The following PDE1A variants were observed in gnomAD, a reference collection of about 807,000 sequenced individuals.
PDE1A encodes dual specificity calcium/calmodulin-dependent 3',5'-cyclic nucleotide phosphodiesterase 1A.
PDE1A carries 35 observed loss-of-function variants against 61.7 expected under a neutral mutation model. That is an observed-to-expected ratio of 0.57 (90% CI 0.43 to 0.75). The LOEUF is 0.75. PDE1A is among the 30% of genes least tolerant of loss of function. The pLI is 0.00. For synonymous variants in PDE1A, 232 were observed against 213.2 expected, an observed-to-expected ratio of 1.09 and a Z score of -0.77; for missense variants, 597 against 630.6, an observed-to-expected ratio of 0.95 and a Z score of 0.57.
intron 1 of PDE1A, among the ~76,000 whole-genome samples, chr2:182,277,249 A>G (rs1394510539): frequency 6.6e-6 from 1 of 151,992 alleles, no homozygotes; most frequent in Non-Finnish European, 1.5e-5. Context: ...GTTGGGCATC[A>G]TGGTCCTACT....
chr2:182,160,010 T>C (rs559836156), intron 13 of PDE1A, among the ~76,000 whole-genome samples: 66 of 152,302 alleles, frequency 4.3e-4, no homozygotes, highest in African/African-American at 1.5e-3. Flanking sequence ...TTATATACAT[T>C]GACTCATTTA....
chr2:182,634,051 T>C, the PDE1A span, among the ~76,000 whole-genome samples: 1 of 151,480 alleles, frequency 6.6e-6, no homozygotes, highest in Non-Finnish European at 1.5e-5. Context: ...ATCACACCAT[T>C]GTACTCTAAG....
At chr2:182,334,827 A>G (rs1574381210) in intron 1 of PDE1A, among the ~76,000 whole-genome samples, 1 of 152,210 alleles carries the variant, frequency 6.6e-6, no homozygotes, top group South Asian at 2.1e-4. Flanking sequence ...GAAGAGAGGA[A>G]GTCAAATTGT....
At chr2:182,142,394 A>T (rs1690269268), downstream of PDE1A, 2 of 152,120 alleles carry the variant, frequency 1.3e-5, no homozygotes, top group Admixed American at 1.3e-4. Context: ...GTTCAGAAAA[A>T]GGTTTCACTG....
At chr2:182,217,952 A>C (rs1159108005) in intron 7 of PDE1A, among the ~76,000 whole-genome samples, 1 of 151,814 alleles carries the variant, frequency 6.6e-6, no homozygotes, top group Non-Finnish European at 1.5e-5. Flanking sequence ...TCATGCTGCT[A>C]TAAAGACACA....
chr2:182,565,051 C>T, the PDE1A span, among the ~76,000 whole-genome samples: 2 of 152,214 alleles, frequency 1.3e-5, no homozygotes, highest in Non-Finnish European at 2.9e-5. Context: ...CTTCTCTCAA[C>T]TCGTCAAAGT....
intron 1 of PDE1A, among the ~76,000 whole-genome samples, chr2:182,304,743 G>C (rs886600536): frequency 3.3e-5 from 5 of 152,140 alleles, no homozygotes; most frequent in Non-Finnish European, 7.3e-5. Context: ...TATCAATTGA[G>C]TTGGCCATCT....
chr2:182,386,288 G>C (rs546042610), intron 1 of PDE1A, among the ~76,000 whole-genome samples: 3 of 151,120 alleles, frequency 2.0e-5, no homozygotes, highest in African/African-American at 7.3e-5. Context: ...AGTGAGGAGC[G>C]TCTCTGCTTG....
At position 182,416,612 on chromosome 2, in the gene PDE1A, A is replaced by G. The variant is rs571150639; in HGVS notation, c.53+9966T>C. Reference sequence around the variant, plus strand: ...TGGAGAAGTTTCTTGAGGACAGGCTATCTTCCAGAAAACATAAATAAGAAA... The same window carrying G: ...TGGAGAAGTTTCTTGAGGACAGGCTGTCTTCCAGAAAACATAAATAAGAAA... On this transcript the variant is annotated intron_variant, in intron 1 of 13. Coordinates refer to ENST00000351439, the Ensembl canonical transcript of PDE1A. 1.3e-4 allele frequency among the ~76,000 whole-genome samples: 20 copies of G among 152,330 alleles called. 1 individual carries two copies. The highest frequency in any genetic ancestry group is 1.0e-3 in the South Asian group (5 of 4,830).
chr2:182,259,805 C>T (rs567477682), intron 2 of PDE1A, among the ~76,000 whole-genome samples: 5 of 152,354 alleles, frequency 3.3e-5, no homozygotes, highest in African/African-American at 1.2e-4. Context: ...GCTGCCTGCC[C>T]TGCTATGCAT....
the PDE1A span, among the ~76,000 whole-genome samples, chr2:182,687,476 A>T: frequency 2.6e-5 from 4 of 152,208 alleles, no homozygotes; most frequent in Non-Finnish European, 4.4e-5. Context: ...GAGGGTCCTG[A>T]CTGTTAAAAG....
chr2:182,436,786 A>G (rs1321563043), intron 2 of PDE1A, among the ~76,000 whole-genome samples: 1 of 151,946 alleles, frequency 6.6e-6, no homozygotes, highest in Non-Finnish European at 1.5e-5. Flanking sequence ...AAAGTTATAT[A>G]ATTTGCCAAA....
intron 2 of PDE1A, among the ~76,000 whole-genome samples, chr2:182,454,608 A>C (rs1685769870): frequency 6.6e-6 from 1 of 151,748 alleles, no homozygotes; most frequent in Admixed American, 6.6e-5. Context: ...CCTCAGAAAT[A>C]ATGCCGCATA....
chr2:182,368,342 C>T (rs377220446), intron 1 of PDE1A, among the ~76,000 whole-genome samples: 2 of 151,256 alleles, frequency 1.3e-5, no homozygotes, highest in Non-Finnish European at 3.0e-5. Flanking sequence ...CAGCCCCCCC[C>T]ACCCAAAGGC....
At chr2:182,590,815 G>A in the PDE1A span, among the ~76,000 whole-genome samples, 1 of 152,116 alleles carries the variant, frequency 6.6e-6, no homozygotes, top group Non-Finnish European at 1.5e-5. Context: ...GACTCCCATA[G>A]TCCCATTTAT....
At chr2:182,363,039 TAACAC>T (rs1391722352) in intron 1 of PDE1A, among the ~76,000 whole-genome samples, 1 of 151,502 alleles carries the variant, frequency 6.6e-6, no homozygotes, top group Non-Finnish European at 1.5e-5. Flanking sequence ...TAGAGGGAAA[TAACAC>T]ACACTGGGGC....
chr2:182,660,064 T>C, the PDE1A span, among the ~76,000 whole-genome samples: 1 of 152,178 alleles, frequency 6.6e-6, no homozygotes, highest in Non-Finnish European at 1.5e-5. Flanking sequence ...CATGTGGCTT[T>C]GAATATAACT....
chr2:182,335,836 T>C (rs1024628826), intron 1 of PDE1A, among the ~76,000 whole-genome samples: 54 of 152,048 alleles, frequency 3.6e-4, no homozygotes, highest in Non-Finnish European at 6.6e-4. Flanking sequence ...AGGCAACCTA[T>C]AGAATGGGAG....
chr2:182,536,192 G>A, the PDE1A span, among the ~76,000 whole-genome samples: 32 of 152,172 alleles, frequency 2.1e-4, no homozygotes, highest in Non-Finnish European at 4.0e-4. Flanking sequence ...AACTCAGGAA[G>A]TGTGATGTTA....
Sources: allele counts gnomAD v4.1 joint callset (sites outside exome capture counted in the v4.1 genomes callset), GRCh38; gene constraint gnomAD v4.1.1; transcripts MANE v1.5; gene names NCBI Gene and HGNC (gene_info 2026-07-23, HGNC 2026-07-21).